The following ADCY2 variants were observed in gnomAD, a reference collection of about 807,000 sequenced individuals.
ADCY2 encodes adenylate cyclase type 2.
ADCY2 carries 31 observed loss-of-function variants against 125.2 expected under a neutral mutation model. The ratio of observed to expected loss-of-function variants is 0.25; its 90% CI spans 0.19 to 0.33. ADCY2 has a LOEUF of 0.33. Ranked by LOEUF, ADCY2 falls within the 10% of genes least tolerant of loss-of-function variation. The pLI is 1.00. For synonymous variants in ADCY2, 512 were observed against 548.4 expected (o/e 0.93, Z 0.93); for missense variants, 904 against 1,418.2 (o/e 0.64, Z 5.82).
At chr5:7,547,813 T>C (rs1251070499) in intron 3 of ADCY2, among the ~76,000 whole-genome samples, 2 of 152,246 alleles carry the variant, frequency 1.3e-5, no homozygotes, top group Non-Finnish European at 2.9e-5. Flanking sequence ...ACCCTCACCA[T>C]GTCAGACTTC....
chr5:7,649,095 T>C (rs577201444), intron 4 of ADCY2, among the ~76,000 whole-genome samples: 75 of 152,352 alleles, frequency 4.9e-4, no homozygotes, highest in African/African-American at 1.7e-3. Context: ...ATGAAAACTT[T>C]TAAAATATGA....
chr5:7,719,592 G>T (rs1434048287), intron 12 of ADCY2, among the ~76,000 whole-genome samples: 1 of 150,096 alleles, frequency 6.7e-6, no homozygotes, highest in Non-Finnish European at 1.5e-5. Flanking sequence ...TCACTGATGT[G>T]TTGAACACGC....
intron 2 of ADCY2, among the ~76,000 whole-genome samples, chr5:7,471,020 T>C (rs1450618518): frequency 6.6e-6 from 1 of 151,918 alleles, no homozygotes; most frequent in African/African-American, 2.4e-5. Context: ...TAATGTCCTT[T>C]TTTATTATTA....
intron 23 of ADCY2, among the ~76,000 whole-genome samples, chr5:7,818,353 CT>C (rs574092399): frequency 0.1 from 14,432 of 140,980 alleles, 1,578 homozygotes; most frequent in African/African-American, 0.32. Context: ...TTTTCTTTTT[CT>C]TTTTTTTTTT....
chr5:7,433,636 C>T (rs1021424773), intron 2 of ADCY2, among the ~76,000 whole-genome samples: 1 of 151,690 alleles, frequency 6.6e-6, no homozygotes, highest in Non-Finnish European at 1.5e-5. Context: ...AGCAGATAAG[C>T]CAAATTCCTT....
chr5:7,825,944 C>T (rs1224427087), intron 24 of ADCY2, among the ~76,000 whole-genome samples: 3 of 152,202 alleles, frequency 2.0e-5, no homozygotes, highest in Admixed American at 6.5e-5. Context: ...GGACATGGTT[C>T]AGCTGCCGGG....
Position 7,789,774 on chromosome 5 carries a change from T to C in ADCY2, c.2602T>C (p.Phe868Leu), listed in dbSNP as rs1323795622. The change falls in exon 20 of 25, where the codon TTC (phenylalanine) becomes CTC (leucine). Residue 868 changes from phenylalanine to leucine, a missense_variant. Around this residue, in one of 7 missense-constraint regions of ADCY2, gnomAD observed 181 missense variants for 381.6 expected, o/e 0.47. Transcript: ENST00000338316. ...NVLPAHVAEH[F>L]LARSLKNEEL... The stretch of plus-strand genomic sequence containing the variant: ...GCTTCCCGCGCACGTGGCTGAGCAC[T>C]TCCTGGCCAGGAGCCTGAAGAATGA... The C allele has an allele frequency of 6.2e-7, 1 of 1,605,790 alleles. No homozygotes were observed. The highest frequency in any genetic ancestry group is 1.7e-5 in the Admixed American group (1 of 59,536).
At chr5:7,447,051 T>C (rs552138255) in intron 2 of ADCY2, among the ~76,000 whole-genome samples, 4 of 152,174 alleles carry the variant, frequency 2.6e-5, no homozygotes, top group Non-Finnish European at 5.9e-5. Flanking sequence ...CATGTGTTTC[T>C]TCACTTTCGG....
chr5:7,599,968 A>G (rs1403118920), intron 3 of ADCY2, among the ~76,000 whole-genome samples: 2 of 152,116 alleles, frequency 1.3e-5, no homozygotes, highest in Non-Finnish European at 2.9e-5. Flanking sequence ...TAAAGGGTGG[A>G]AAGGGAGGAA....
At chr5:7,417,665 A>G (rs1273278967) in intron 2 of ADCY2, among the ~76,000 whole-genome samples, 3 of 152,198 alleles carry the variant, frequency 2.0e-5, no homozygotes, top group Non-Finnish European at 4.4e-5. Context: ...ATGTCCTTAG[A>G]ACGATCTTTC....
intron 2 of ADCY2, among the ~76,000 whole-genome samples, chr5:7,468,440 A>C (rs1742208560): frequency 6.6e-6 from 1 of 152,206 alleles, no homozygotes; most frequent in Non-Finnish European, 1.5e-5. Flanking sequence ...CACATTTCTT[A>C]TCAGTTTGAG....
At chr5:7,697,038 C>T (rs989484653) in intron 6 of ADCY2, among the ~76,000 whole-genome samples, 3 of 151,902 alleles carry the variant, frequency 2.0e-5, no homozygotes, top group African/African-American at 4.8e-5. Flanking sequence ...TGGCTGGGAA[C>T]AGCATAACTC....
At chr5:7,431,834 G>A (rs1740613044) in intron 2 of ADCY2, among the ~76,000 whole-genome samples, 1 of 152,154 alleles carries the variant, frequency 6.6e-6, no homozygotes, top group Non-Finnish European at 1.5e-5. Flanking sequence ...CAGTATTACT[G>A]ATAGGGACAG....
intron 9 of ADCY2, among the ~76,000 whole-genome samples, chr5:7,708,558 C>A (rs2126356432): frequency 6.6e-6 from 1 of 152,240 alleles, no homozygotes; most frequent in East Asian, 1.9e-4. Context: ...GTAATTCTTC[C>A]CAAATTACAC....
intron 2 of ADCY2, among the ~76,000 whole-genome samples, chr5:7,518,180 C>T (rs990644693): frequency 2.8e-4 from 43 of 152,138 alleles, no homozygotes; most frequent in African/African-American, 9.9e-4. Flanking sequence ...TCGTTGGAGA[C>T]CTGGGAAAGG....
chr5:7,535,654 T>G (rs1734789694), intron 3 of ADCY2, among the ~76,000 whole-genome samples: 2 of 152,196 alleles, frequency 1.3e-5, no homozygotes, highest in Admixed American at 1.3e-4. Context: ...CATACATGGA[T>G]TTACATCTCT....
At chr5:7,458,988 G>A (rs567169392) in intron 2 of ADCY2, among the ~76,000 whole-genome samples, 1 of 152,122 alleles carries the variant, frequency 6.6e-6, no homozygotes, top group African/African-American at 2.4e-5. Context: ...ACAACCACTT[G>A]CCCCAAGACC....
intron 3 of ADCY2, among the ~76,000 whole-genome samples, chr5:7,577,335 G>C (rs764899113): frequency 1.3e-5 from 2 of 152,134 alleles, no homozygotes; most frequent in Non-Finnish European, 2.9e-5. Flanking sequence ...GCTGTTCTGT[G>C]GTCTGCAGAG....
At chr5:7,825,376 C>G (rs982607078) in intron 24 of ADCY2, among the ~76,000 whole-genome samples, 2 of 152,018 alleles carry the variant, frequency 1.3e-5, no homozygotes. Context: ...CGTAACAACG[C>G]TGCTGGGTGC....
Sources: allele counts gnomAD v4.1 joint callset (sites outside exome capture counted in the v4.1 genomes callset), GRCh38; gene constraint gnomAD v4.1.1; regional missense constraint gnomAD v4.1.1; transcripts MANE v1.5; gene names NCBI Gene and HGNC (gene_info 2026-07-23, HGNC 2026-07-21).